The following ERCC8 variants were observed in gnomAD, a reference collection of about 807,000 sequenced individuals.
ERCC8 encodes ERCC excision repair 8, CSA ubiquitin ligase complex subunit.
Under a neutral mutation model 54.9 loss-of-function variants are expected in ERCC8, and 52 were observed. The observed-to-expected ratio is 0.95, with a 90% confidence interval of 0.76 to 1.19. ERCC8 has a LOEUF of 1.19. ERCC8 is among the 50% of genes most tolerant of loss of function. ERCC8 has a pLI of 0.00. For synonymous variants in ERCC8, 146 were observed against 157.2 expected (o/e 0.93, Z 0.53); for missense variants, 514 against 466.1 (o/e 1.10, Z -0.95).
Position 60,870,375 on chromosome 5 carries a change from G to T in ERCC8, c.*4240C>A, listed in dbSNP as rs1408769573. Among the ~76,000 whole-genome samples, 2 of 151,102 alleles carry T rather than the reference G, an allele frequency of 1.3e-5. No homozygotes were observed. On this transcript the variant is annotated 3_prime_UTR_variant, in exon 12 of 12. Transcript: ENST00000676185. ...AAGTCGAAGTCAGGCCCGGCACGGT[G>T]GCTCACGCCTGTAAATCCCAGCACT...
At position 60,891,051 on chromosome 5, in the gene ERCC8, T is replaced by G; in HGVS notation, c.879A>C (p.Lys293Asn). Residue 293 changes from lysine (K) to asparagine (N), a missense_variant, in exon 10 of 12, where the codon AAA becomes AAC. Lys to Asn is a moderately conservative substitution (Grantham distance 94). Coordinates refer to ENST00000676185, the MANE Select transcript of ERCC8 (RefSeq NM_000082.4). ...CACAGGAGACAGTGAATTTCAATCC[T>G]TTTTTACTGTTATTACAAACTTTTC... is the stretch of plus-strand genomic sequence containing the variant. ...NYGKVCNNSK[K>N]GLKFTVSCGC... 1.2e-6 allele frequency: 2 copies of G among 1,611,880 alleles called. No individual in the cohort carries two copies. The highest frequency in any genetic ancestry group is 1.7e-6 in the Non-Finnish European group (2 of 1,179,010).
chr5:60,897,365 T>C (rs1438819414), intron 9 of ERCC8, among the ~76,000 whole-genome samples: 3 of 152,224 alleles, frequency 2.0e-5, no homozygotes, highest in Non-Finnish European at 4.4e-5. Context: ...ATGCCTTTCA[T>C]ACTCTTGCTG....
chr5:60,879,414 T>C (rs1748129028), intron 11 of ERCC8, among the ~76,000 whole-genome samples: 1 of 152,218 alleles, frequency 6.6e-6, no homozygotes, highest in Non-Finnish European at 1.5e-5. Context: ...GTTCAATTCC[T>C]GGATATCCTT....
At chr5:60,938,081 A>C (rs1561519115) in intron 1 of ERCC8, among the ~76,000 whole-genome samples, 1 of 18,636 alleles carries the variant, frequency 5.4e-5, no homozygotes, top group African/African-American at 1.9e-4. Flanking sequence ...ATATATATAT[A>C]TATATTTTAT....
chr5:60,904,625 TG>T (rs1749000421), intron 5 of ERCC8, among the ~76,000 whole-genome samples, 166 bp downstream of exon 5: 1 of 29,318 alleles, frequency 3.4e-5, no homozygotes, highest in African/African-American at 1.7e-4. Context: ...ATATATAGTG[TG>T]TGTGTGTGTA....
intron 5 of ERCC8, 118 bp from the exon 6 acceptor site, chr5:60,903,834 A>T: frequency 1.1e-6 from 1 of 937,906 alleles, no homozygotes; most frequent in South Asian, 1.5e-5. Context: ...ATATGAAGAT[A>T]TATGCCAAAA....
intron 4 of ERCC8, among the ~76,000 whole-genome samples, chr5:60,912,818 T>A (rs1201582813): frequency 6.6e-6 from 1 of 152,170 alleles, no homozygotes; most frequent in South Asian, 2.1e-4. Flanking sequence ...TTGCATTTTG[T>A]CAAAGGCCTT....
chr5:60,945,057 T>C lies in ERCC8; in HGVS notation c.-49A>G, dbSNP rs1187101418. 6.5e-7 allele frequency: 1 copy of C among 1,543,044 alleles called. No individual in the cohort carries two copies. The highest frequency in any genetic ancestry group is 9.0e-7 in the Non-Finnish European group (1 of 1,115,312). On this transcript the variant is annotated 5_prime_UTR_variant, in exon 1 of 12. Transcript: ENST00000676185. ...GCACTGGACGTCGCCATGACAGAGC[T>C]CAGGGGCGGGACTGGAACAGCAGAG... is the stretch of plus-strand genomic sequence containing the variant.
chr5:60,906,626 G>C (rs1226797127), intron 4 of ERCC8, among the ~76,000 whole-genome samples: 1 of 152,010 alleles, frequency 6.6e-6, no homozygotes, highest in East Asian at 1.9e-4. Context: ...CTATATGAGA[G>C]GCTGAGGCAG....
At chr5:60,943,624 C>A (rs1472265255) in intron 1 of ERCC8, among the ~76,000 whole-genome samples, 1 of 151,800 alleles carries the variant, frequency 6.6e-6, no homozygotes, top group African/African-American at 2.4e-5. Context: ...AGGAAATTGG[C>A]CAAAAGAATG....
chr5:60,941,612 G>A (rs999509872), intron 1 of ERCC8, among the ~76,000 whole-genome samples: 1 of 152,134 alleles, frequency 6.6e-6, no homozygotes, highest in African/African-American at 2.4e-5. Flanking sequence ...AAAGAGATCT[G>A]CAACCAGACA....
rs1357124677 is a variant in ERCC8, at chr5:60,874,552, T to C, written c.*63A>G. 2.8e-6 allele frequency: 4 copies of C among 1,440,656 alleles called. No homozygotes were observed. Among genetic ancestry groups the C allele is most frequent in the Non-Finnish European group, 3.9e-6 (4 of 1,027,946 alleles). The allele number at this position is 1,440,656 out of a possible 1,614,324, so 89.2% of individuals were successfully genotyped here. A position where few individuals can be genotyped will look rare whatever the true frequency, so the allele number is the denominator to read the frequency against. Reference sequence around the variant, plus strand: ...AGCTGTCAGGAATAGACCATACAGTTGAAAAAAACACAGTCTCATTTAAAA... The same window carrying C: ...AGCTGTCAGGAATAGACCATACAGTCGAAAAAAACACAGTCTCATTTAAAA... On this transcript the variant is annotated 3_prime_UTR_variant, in exon 12 of 12. Coordinates refer to ENST00000676185, the MANE Select transcript of ERCC8 (RefSeq NM_000082.4).
intron 1 of ERCC8, among the ~76,000 whole-genome samples, chr5:60,938,069 ATATATATATATATATATTTTAT>A (rs1303713601): frequency 0.038 from 697 of 18,370 alleles, 32 homozygotes; most frequent in East Asian, 0.27. Flanking sequence ...ATATATATAT[ATATATATATATATATATTTTAT>A]TTTTTTTTTT....
chr5:60,881,437 G>C (rs1021997118), intron 11 of ERCC8, among the ~76,000 whole-genome samples: 9 of 152,188 alleles, frequency 5.9e-5, no homozygotes, highest in African/African-American at 2.2e-4. Context: ...CCTTTTGTTT[G>C]GCTATGCCGT....
intron 9 of ERCC8, chr5:60,892,041 C>T: frequency 1.9e-6 from 1 of 529,740 alleles, no homozygotes; most frequent in Non-Finnish European, 3.8e-6. Context: ...TCTTACTCTT[C>T]AGGGAGGATG....
In ERCC8 at chr5:60,945,017, C is replaced by T; in HGVS notation, c.-9G>A. The T allele has an allele frequency of 3.7e-6, 6 of 1,612,358 alleles. No homozygotes were observed. The highest frequency in any genetic ancestry group is 1.3e-5 in the African/African-American group (1 of 75,004). On this transcript the variant is annotated 5_prime_UTR_variant, in exon 1 of 12. Transcript: ENST00000676185. ...GACAAAAACCCCAGCATATCGTGTC[C>T]TCACACCGGCTGGAGCACTGGACGT...
chr5:60,888,456 G>A (rs548655899), intron 10 of ERCC8, among the ~76,000 whole-genome samples: 7 of 152,234 alleles, frequency 4.6e-5, no homozygotes, highest in African/African-American at 1.2e-4. Flanking sequence ...CAGGTAATGC[G>A]CAAGATAACT....
intron 1 of ERCC8, among the ~76,000 whole-genome samples, chr5:60,929,690 A>G (rs959003710): frequency 6.6e-6 from 1 of 152,210 alleles, no homozygotes; most frequent in Non-Finnish European, 1.5e-5. Flanking sequence ...AACTAAGACA[A>G]ATGACATTTC....
chr5:60,913,392 T>C (rs910529951), intron 4 of ERCC8, among the ~76,000 whole-genome samples: 1 of 152,172 alleles, frequency 6.6e-6, no homozygotes, highest in South Asian at 2.1e-4. Context: ...AGGTGTTTAT[T>C]GTATTCTCTG....
Sources: allele counts gnomAD v4.1 joint callset (sites outside exome capture counted in the v4.1 genomes callset), GRCh38; gene constraint gnomAD v4.1.1; transcripts MANE v1.5; gene names NCBI Gene and HGNC (gene_info 2026-07-23, HGNC 2026-07-21).